Variants in LGSN observed in about 807,000 individuals in gnomAD.
LGSN encodes lengsin, lens protein with glutamine synthetase domain, also known as lengsin.
Under a neutral mutation model 19.5 loss-of-function variants are expected in LGSN, and 21 were observed. That is an observed-to-expected ratio of 1.07 (90% CI 0.76 to 1.55). The LOEUF (loss-of-function observed/expected upper bound fraction) is 1.55, where lower values mean the gene tolerates loss of function less well. Among genes scored for constraint, LGSN ranks in the 40% most tolerant of loss-of-function variants. The pLI is 0.00. For synonymous variants in LGSN, 257 were observed against 215.6 expected (o/e 1.19, Z -1.68); for missense variants, 673 against 608.5 (o/e 1.11, Z -1.12).
the LGSN span, among the ~76,000 whole-genome samples, chr6:63,327,345 G>T: frequency 6.6e-6 from 1 of 152,196 alleles, no homozygotes; most frequent in Non-Finnish European, 1.5e-5. Flanking sequence ...GACCTAGAAA[G>T]GGGAGAAGCC....
At chr6:63,440,498 C>T in the LGSN span, among the ~76,000 whole-genome samples, 1 of 152,156 alleles carries the variant, frequency 6.6e-6, no homozygotes. Flanking sequence ...TATTGAGAAC[C>T]CGGTTTTTCT....
chr6:63,512,389 C>T, the LGSN span, among the ~76,000 whole-genome samples: 2 of 152,170 alleles, frequency 1.3e-5, no homozygotes, highest in East Asian at 1.9e-4. Context: ...GCCTCATGCT[C>T]TCATTCTTTG....
At chr6:63,509,154 C>G in the LGSN span, among the ~76,000 whole-genome samples, 13 of 151,268 alleles carry the variant, frequency 8.6e-5, no homozygotes, top group Non-Finnish European at 1.8e-4. Flanking sequence ...AACCTCCACC[C>G]CCTAGGTTCA....
At chr6:63,454,054 C>T in the LGSN span, among the ~76,000 whole-genome samples, 14 of 152,222 alleles carry the variant, frequency 9.2e-5, no homozygotes, top group Admixed American at 7.9e-4. Flanking sequence ...TCAATACTGC[C>T]CCTTGCTGCC....
the LGSN span, among the ~76,000 whole-genome samples, chr6:63,474,970 A>T: frequency 6.6e-6 from 1 of 152,002 alleles, no homozygotes; most frequent in Non-Finnish European, 1.5e-5. Context: ...GACAATGAAT[A>T]TTTCTTTGTG....
chr6:63,551,023 T>G, the LGSN span, among the ~76,000 whole-genome samples: 1 of 151,830 alleles, frequency 6.6e-6, no homozygotes, highest in East Asian at 1.9e-4. Flanking sequence ...TGTTGATAGG[T>G]TTTTTTTATT....
the LGSN span, among the ~76,000 whole-genome samples, chr6:63,469,971 C>T: frequency 6.6e-6 from 1 of 152,192 alleles, no homozygotes. Context: ...CTACCTTCGC[C>T]TCCCAAAGTG....
At chr6:63,430,021 C>A in the LGSN span, among the ~76,000 whole-genome samples, 2 of 152,208 alleles carry the variant, frequency 1.3e-5, no homozygotes, top group African/African-American at 2.4e-5. Context: ...CTATAACAGA[C>A]TTCTCCCTAC....
At chr6:63,339,905 C>T in the LGSN span, among the ~76,000 whole-genome samples, 447 of 152,020 alleles carry the variant, frequency 2.9e-3, 3 homozygotes, top group African/African-American at 0.01. Flanking sequence ...TATTTGCTTC[C>T]AGATGTAGGA....
At chr6:63,565,033 A>G in the LGSN span, among the ~76,000 whole-genome samples, 41 of 152,054 alleles carry the variant, frequency 2.7e-4, no homozygotes, top group Non-Finnish European at 4.6e-4. Context: ...CTTGAGAGAG[A>G]GGGTCTTTGG....
At chr6:63,395,948 C>A in the LGSN span, 1 of 154,144 alleles carries the variant, frequency 6.5e-6, no homozygotes. Context: ...GGGTCCCCTC[C>A]GCTACTTGGG....
chr6:63,531,645 A>G, the LGSN span, among the ~76,000 whole-genome samples: 1 of 150,230 alleles, frequency 6.7e-6, no homozygotes, highest in South Asian at 2.1e-4. Context: ...ACGAGCCACC[A>G]TGCTTGATCA....
intron 1 of LGSN, among the ~76,000 whole-genome samples, chr6:63,315,616 CTCTGTGTGTGTGTGTG>C (rs1768812372): frequency 1.7e-5 from 2 of 114,772 alleles, no homozygotes; most frequent in Admixed American, 1.8e-4. Flanking sequence ...CTCTCTCTCT[CTCTGTGTGTGTGTGTG>C]TGTGTGTGTG....
chr6:63,477,024 G>A, the LGSN span, among the ~76,000 whole-genome samples: 2 of 152,134 alleles, frequency 1.3e-5, no homozygotes, highest in Non-Finnish European at 2.9e-5. Flanking sequence ...CTAGACAGAT[G>A]GAAAATAAGT....
At chr6:63,528,741 G>T in the LGSN span, among the ~76,000 whole-genome samples, 11 of 151,304 alleles carry the variant, frequency 7.3e-5, no homozygotes, top group Admixed American at 2.6e-4. Context: ...CCAGCCTGGG[G>T]GACAGAGTGA....
At chr6:63,463,655 G>A in the LGSN span, among the ~76,000 whole-genome samples, 1 of 152,218 alleles carries the variant, frequency 6.6e-6, no homozygotes, top group East Asian at 1.9e-4. Context: ...ATATTATTTG[G>A]GAAACCATGT....
Position 63,279,401 on chromosome 6 carries a change from C to A in LGSN, c.*620G>T, listed in dbSNP as rs192749724. The A allele has an allele frequency of 1.0e-3, 159 of 152,316 alleles. No individual in the cohort carries two copies. Among genetic ancestry groups the A allele is most frequent in the African/African-American group, 3.7e-3 (153 of 41,564 alleles). 9.4% of individuals were successfully genotyped at this position (152,316 alleles called of 1,614,324 possible). On this transcript the variant is annotated 3_prime_UTR_variant, in exon 4 of 4. Coordinates refer to ENST00000370657, the MANE Select transcript of LGSN (RefSeq NM_016571.3). The stretch of plus-strand genomic sequence containing the variant: ...GATTTGTTTCTTGAGGACATTATAA[C>A]CTTGAAGTTCATAAGCTTTTCAGGA...
At chr6:63,437,657 G>T in the LGSN span, among the ~76,000 whole-genome samples, 1 of 152,190 alleles carries the variant, frequency 6.6e-6, no homozygotes, top group African/African-American at 2.4e-5. Context: ...TACAGGCTGG[G>T]CACAGTGGTT....
At chr6:63,316,304 T>G (rs1295825940) in intron 1 of LGSN, among the ~76,000 whole-genome samples, 1 of 152,158 alleles carries the variant, frequency 6.6e-6, no homozygotes, top group South Asian at 2.1e-4. Context: ...TGCTCCCATA[T>G]GAAAAGCTAT....
Sources: gnomAD v4.1 joint callset for allele counts (sites outside exome capture counted in the v4.1 genomes callset) on GRCh38, gnomAD v4.1.1 for gene constraint, MANE v1.5 for transcripts, NCBI Gene and HGNC (gene_info 2026-07-23, HGNC 2026-07-21) for gene names.